The following GREB1L variants were observed in gnomAD, a reference collection of about 807,000 sequenced individuals.
GREB1L encodes GREB1-like protein.
GREB1L carries 17 observed loss-of-function variants against 200.8 expected under a neutral mutation model. The observed-to-expected ratio is 0.08, with a 90% CI of 0.06 to 0.13. The LOEUF (loss-of-function observed/expected upper bound fraction) is 0.13, where lower values mean the gene tolerates loss of function less well. Among genes scored for constraint, GREB1L ranks in the 10% least tolerant of loss-of-function variants. The pLI is 1.00. For missense variants in GREB1L, 1,657 were observed against 2,367.7 expected, an observed-to-expected ratio of 0.70 and a Z score of 6.23; for synonymous variants, 789 against 893.0, an observed-to-expected ratio of 0.88 and a Z score of 2.08.
intron 7 of GREB1L, among the ~76,000 whole-genome samples, chr18:21,409,095 C>T (rs2030645483): frequency 6.6e-6 from 1 of 152,138 alleles, no homozygotes; most frequent in South Asian, 2.1e-4. Context: ...CATCATTATT[C>T]GTTATAACAA....
rs551774131 is a variant in GREB1L at position 21,506,083 on chromosome 18, A to G, written c.4368+134A>G. On this transcript the variant is annotated intron_variant, in intron 25 of 32. Transcript: ENST00000424526. ...AAAGGATAGTTTACTCATAAGAAGGAGCCACTCATTGGTGAGAAAAATGCA... is the reference window on the plus strand; with the variant it reads ...AAAGGATAGTTTACTCATAAGAAGGGGCCACTCATTGGTGAGAAAAATGCA... 9.4e-5 allele frequency: 91 copies of G among 966,786 alleles called. No homozygotes were observed. In the East Asian group the frequency reaches 2.4e-3, roughly 26 times the overall value. 59.9% of individuals were successfully genotyped at this position (966,786 alleles called of 1,614,324 possible).
At chr18:21,445,798 C>T (rs908752597) in intron 11 of GREB1L, among the ~76,000 whole-genome samples, 2 of 152,082 alleles carry the variant, frequency 1.3e-5, no homozygotes, top group African/African-American at 2.4e-5. Context: ...ACTAATGATG[C>T]TTATTGAAAG....
At chr18:21,450,857 T>C (rs2034486758) in intron 12 of GREB1L, 166 bp from the exon 13 acceptor site, 1 of 573,022 alleles carries the variant, frequency 1.7e-6, no homozygotes, top group African/African-American at 1.9e-5. Flanking sequence ...GAATTGATAT[T>C]TCAAATGCTA....
intron 2 of GREB1L, among the ~76,000 whole-genome samples, chr18:21,374,330 T>G (rs1016367137): frequency 6.6e-6 from 1 of 152,172 alleles, no homozygotes; most frequent in Non-Finnish European, 1.5e-5. Context: ...ACCTTTGCTT[T>G]CTTGTTCAGA....
chr18:21,350,254 T>G (rs2039413600), intron 1 of GREB1L, among the ~76,000 whole-genome samples: 1 of 151,246 alleles, frequency 6.6e-6, no homozygotes, highest in South Asian at 2.1e-4. Context: ...TTTTTTTTTT[T>G]TGAGGCAGAG....
chr18:21,519,923 C>G (rs1340607411), intron 31 of GREB1L, among the ~76,000 whole-genome samples: 3 of 143,848 alleles, frequency 2.1e-5, no homozygotes, highest in Non-Finnish European at 4.6e-5. Flanking sequence ...CATGCACTGT[C>G]TTTTTTTTTT....
intron 7 of GREB1L, among the ~76,000 whole-genome samples, chr18:21,408,341 C>T (rs1198298671): frequency 6.6e-6 from 1 of 152,046 alleles, no homozygotes; most frequent in Non-Finnish European, 1.5e-5. Flanking sequence ...AGTATTAACA[C>T]CCAGAATTTA....
Position 21,516,523 on chromosome 18 carries a change from A to G in GREB1L, c.5130-90A>G, listed in dbSNP as rs1393783980. On this transcript the variant is annotated intron_variant, in intron 29 of 32. Coordinates refer to ENST00000424526, the MANE Select transcript of GREB1L (RefSeq NM_001142966.3). ...CATGGTTGATTATTTTAGGCTCCTA[A>G]TATCTTGCCACACATTTATTTCTCT... 13 of 1,275,870 alleles carry G rather than the reference A, an allele frequency of 1.0e-5. No homozygotes were observed. In the East Asian group the frequency reaches 1.3e-4, roughly 12 times the overall value. The allele number at this position is 1,275,870 out of a possible 1,614,324, so 79.0% of individuals were successfully genotyped here.
chr18:21,435,928 C>T (rs1221851693), intron 7 of GREB1L, among the ~76,000 whole-genome samples: 1 of 151,934 alleles, frequency 6.6e-6, no homozygotes, highest in Non-Finnish European at 1.5e-5. Context: ...GTCTCGGTGA[C>T]AAATGATGAG....
At chr18:21,343,730 A>ATTTTTTTTTTTTT (rs36120644) in intron 1 of GREB1L, among the ~76,000 whole-genome samples, 1 of 114,952 alleles carries the variant, frequency 8.7e-6, no homozygotes, top group Non-Finnish European at 1.8e-5. Context: ...GAGAAGAGAG[A>ATTTTTTTTTTTTT]TTTTTTTTTT....
intron 1 of GREB1L, among the ~76,000 whole-genome samples, chr18:21,255,869 T>G (rs1418533897): frequency 6.6e-6 from 1 of 152,208 alleles, no homozygotes; most frequent in African/African-American, 2.4e-5. Flanking sequence ...ATAGGGTGCA[T>G]AGTAAATATG....
rs1351022453 is a variant in GREB1L at position 21,523,915 on chromosome 18, CTT to C, written c.*1098_*1099del. ...GAGTAAGGAAGACTCCATTAAGAGTCTTTTTGATTCATTAAAATCAGCAGGGG... is the reference window on the plus strand; with the variant it reads ...GAGTAAGGAAGACTCCATTAAGAGTCTTTGATTCATTAAAATCAGCAGGGG... On this transcript the variant is annotated 3_prime_UTR_variant, in exon 33 of 33. Coordinates refer to ENST00000424526, the MANE Select transcript of GREB1L (RefSeq NM_001142966.3). 1 of 152,156 alleles carries C rather than the reference CTT, an allele frequency of 6.6e-6. No homozygotes were observed. Among genetic ancestry groups the C allele is most frequent in the South Asian group, 2.1e-4 (1 of 4,828 alleles). The allele number at this position is 152,156 out of a possible 1,614,324, so 9.4% of individuals were successfully genotyped here. A position where few individuals can be genotyped will look rare whatever the true frequency, so the allele number is the denominator to read the frequency against.
chr18:21,364,585 A>G (rs542538587), intron 1 of GREB1L, among the ~76,000 whole-genome samples: 2 of 152,346 alleles, frequency 1.3e-5, no homozygotes, highest in Admixed American at 6.5e-5. Context: ...AAGCTATACA[A>G]ATGGTTGAGT....
At chr18:21,242,572 G>A (rs1236226659) in intron 1 of GREB1L, among the ~76,000 whole-genome samples, 179 bp downstream of exon 1, 1 of 152,156 alleles carries the variant, frequency 6.6e-6, no homozygotes, top group Non-Finnish European at 1.5e-5. Flanking sequence ...GGGTGTGAGC[G>A]GAGCGCGTGC....
In GREB1L at chr18:21,518,217, C is replaced by T. The variant is rs1415405116; in HGVS notation, c.5455C>T (p.Leu1819Phe). 14 of 1,551,522 alleles carry T rather than the reference C, an allele frequency of 9.0e-6. No individual in the cohort carries two copies. Among genetic ancestry groups the T allele is most frequent in the Non-Finnish European group, 1.2e-5 (14 of 1,146,970 alleles). ...TCCTGTGCTGGCCATTGACTGCTAC[C>T]TTAACATTGGACCAGAGGTAAAAAG... ...RSPVLAIDCY[L>F]NIGPEVAICY... The change falls in exon 31 of 33, where the codon CTT becomes TTT. Residue 1819 changes from leucine (L) to phenylalanine (F), a missense_variant. By Grantham distance (22) the Leu-to-Phe change is conservative (BLOSUM62 0). This residue lies in a region of GREB1L where 190 missense variants were observed against 230.2 expected (regional missense o/e 0.83). Transcript: ENST00000424526.
intron 1 of GREB1L, among the ~76,000 whole-genome samples, chr18:21,340,261 TA>T (rs925342597): frequency 6.6e-5 from 10 of 151,028 alleles, no homozygotes; most frequent in African/African-American, 2.2e-4. Flanking sequence ...ACTAAAAATA[TA>T]AAAAAAAATT....
chr18:21,278,673 A>G (rs1263402581), intron 1 of GREB1L, among the ~76,000 whole-genome samples: 1 of 151,988 alleles, frequency 6.6e-6, no homozygotes, highest in Non-Finnish European at 1.5e-5. Flanking sequence ...ATGCAACCAA[A>G]AAAACACCAG....
At chr18:21,341,105 C>T (rs1598673831) in intron 1 of GREB1L, among the ~76,000 whole-genome samples, 1 of 152,230 alleles carries the variant, frequency 6.6e-6, no homozygotes, top group East Asian at 1.9e-4. Context: ...GCTTTCAGAG[C>T]AGTAATGGTC....
chr18:21,397,994 G>T (rs1334067505), intron 5 of GREB1L, among the ~76,000 whole-genome samples: 3 of 152,126 alleles, frequency 2.0e-5, no homozygotes, highest in Non-Finnish European at 4.4e-5. Context: ...AAGCATTATC[G>T]TCTCATCTAA....
Sources: allele counts gnomAD v4.1 joint callset (sites outside exome capture counted in the v4.1 genomes callset), GRCh38; gene constraint gnomAD v4.1.1; regional missense constraint gnomAD v4.1.1; transcripts MANE v1.5; gene names NCBI Gene and HGNC (gene_info 2026-07-23, HGNC 2026-07-21).